Variants in TBC1D1 observed in about 807,000 individuals in gnomAD.
The protein encoded by TBC1D1 is TBC1 domain family member 1.
In TBC1D1, 89 loss-of-function variants were observed where a neutral mutation model predicts 125.6. That is an observed-to-expected ratio of 0.71 (90% CI 0.60 to 0.85). TBC1D1 has a LOEUF of 0.85. Ranked by LOEUF, TBC1D1 falls within the 40% of genes least tolerant of loss-of-function variation. The pLI, the probability that TBC1D1 is intolerant of heterozygous loss-of-function variation, is 0.00. For missense variants in TBC1D1, 1,377 were observed against 1,469.2 expected (o/e 0.94, Z 1.03); for synonymous variants, 565 against 564.1 (o/e 1.00, Z -0.02).
At chr4:37,963,463 G>A (rs1389123396) in intron 2 of TBC1D1, among the ~76,000 whole-genome samples, 1 of 152,166 alleles carries the variant, frequency 6.6e-6, no homozygotes, top group Admixed American at 6.5e-5. Context: ...AACCAGCCTG[G>A]CCAACATGGT....
chr4:38,109,257 AC>A (rs1761845922), intron 15 of TBC1D1, among the ~76,000 whole-genome samples: 1 of 152,228 alleles, frequency 6.6e-6, no homozygotes, highest in African/African-American at 2.4e-5. Context: ...ACCACCAGCC[AC>A]ACACATTATT....
At chr4:38,113,507 A>G (rs1762504169) in intron 15 of TBC1D1, among the ~76,000 whole-genome samples, 1 of 152,228 alleles carries the variant, frequency 6.6e-6, no homozygotes, top group Non-Finnish European at 1.5e-5. Context: ...ATTCAGAATA[A>G]CTAAACCTTC....
chr4:38,104,922 A>AT (rs1396296359), intron 15 of TBC1D1, among the ~76,000 whole-genome samples: 4 of 151,618 alleles, frequency 2.6e-5, no homozygotes, highest in African/African-American at 9.7e-5. Flanking sequence ...TGCCTAGCTA[A>AT]TTTTTTGTAT....
intron 18 of TBC1D1, among the ~76,000 whole-genome samples, chr4:38,128,503 T>G (rs1765035130): frequency 6.6e-6 from 1 of 152,074 alleles, no homozygotes; most frequent in African/African-American, 2.4e-5. Flanking sequence ...TACTGCCCTG[T>G]GTACAGATGG....
At chr4:38,033,299 A>G (rs1236998316) in intron 7 of TBC1D1, among the ~76,000 whole-genome samples, 1 of 152,214 alleles carries the variant, frequency 6.6e-6, no homozygotes, top group African/African-American at 2.4e-5. Flanking sequence ...ACAGGAGAAG[A>G]AAGAGTGGGC....
chr4:37,979,320 A>G (rs1382644883), intron 2 of TBC1D1, among the ~76,000 whole-genome samples: 1 of 152,222 alleles, frequency 6.6e-6, no homozygotes, highest in Non-Finnish European at 1.5e-5. Context: ...ATGCATTACA[A>G]ATTATATCCC....
At chr4:38,051,771 TCCA>T in intron 11 of TBC1D1, 125 bp from the exon 12 acceptor site, 1 of 852,502 alleles carries the variant, frequency 1.2e-6, no homozygotes, top group Non-Finnish European at 1.8e-6. Flanking sequence ...GAAGAAGTCC[TCCA>T]CTCTGATAGT....
intron 4 of TBC1D1, among the ~76,000 whole-genome samples, chr4:38,019,787 C>G (rs1426009908): frequency 6.6e-6 from 1 of 152,084 alleles, no homozygotes; most frequent in African/African-American, 2.4e-5. Flanking sequence ...GAGCCTTGGC[C>G]TAATATGTTT....
chr4:38,038,948 G>GAAA (rs565226039), intron 8 of TBC1D1, among the ~76,000 whole-genome samples: 5,790 of 137,786 alleles, frequency 0.042, 461 homozygotes, highest in African/African-American at 0.15. Context: ...TCCCTCTCGG[G>GAAA]AAAAAAAAAA....
chr4:38,110,166 G>T (rs1264693601), intron 15 of TBC1D1: 1 of 982,788 alleles, frequency 1.0e-6, no homozygotes, highest in Admixed American at 6.2e-5. Flanking sequence ...CAGGAGTCTC[G>T]CTGAAAATGC....
At chr4:37,938,067 G>C (rs1724767963) in intron 2 of TBC1D1, among the ~76,000 whole-genome samples, 1 of 152,120 alleles carries the variant, frequency 6.6e-6, no homozygotes, top group South Asian at 2.1e-4. Flanking sequence ...GTCTCTTGTA[G>C]AGAGTTCTGC....
At chr4:37,963,572 G>A (rs1357218471) in intron 2 of TBC1D1, among the ~76,000 whole-genome samples, 8 of 152,144 alleles carry the variant, frequency 5.3e-5, no homozygotes, top group African/African-American at 7.2e-5. Context: ...CACAAGAATC[G>A]CTTCAGCCCA....
chr4:38,048,747 A>G (rs1204927398), intron 10 of TBC1D1, among the ~76,000 whole-genome samples: 1 of 152,124 alleles, frequency 6.6e-6, no homozygotes, highest in Admixed American at 6.6e-5. Flanking sequence ...AATATTTTGA[A>G]TATATTAAAA....
intron 7 of TBC1D1, among the ~76,000 whole-genome samples, chr4:38,035,217 C>T (rs1443055691): frequency 4.6e-5 from 7 of 152,288 alleles, no homozygotes; most frequent in Non-Finnish European, 7.4e-5. Flanking sequence ...TTTCCTTGCC[C>T]GTTCCCTAAG....
At chr4:37,923,042 G>A (rs1311450693) in intron 2 of TBC1D1, among the ~76,000 whole-genome samples, 1 of 151,978 alleles carries the variant, frequency 6.6e-6, no homozygotes, top group Non-Finnish European at 1.5e-5. Context: ...GTACTATGGT[G>A]GTTTGATGCA....
At chr4:38,023,191 GAGCCGAGATTGTGCCGCTGTGCTCC>G (rs1744393208) in intron 6 of TBC1D1, among the ~76,000 whole-genome samples, 2 of 150,396 alleles carry the variant, frequency 1.3e-5, no homozygotes, top group Non-Finnish European at 2.9e-5. Flanking sequence ...AGGTTGCAGT[GAGCCGAGATTGTGCCGCTGTGCTCC>G]AGCCTGGGCA....
At chr4:38,115,669 TTTG>T (rs758262199) in intron 15 of TBC1D1, 38 bp from the exon 18 acceptor site, 33 of 1,571,068 alleles carry the variant, frequency 2.1e-5, no homozygotes, top group Non-Finnish European at 2.7e-5. Context: ...GCTTTCTTTT[TTTG>T]TTTTTATTAT....
chr4:38,047,460 A>G (rs1249199610), intron 10 of TBC1D1, among the ~76,000 whole-genome samples: 1 of 152,156 alleles, frequency 6.6e-6, no homozygotes, highest in Admixed American at 6.5e-5. Context: ...TGAGTTTCTG[A>G]GTTAAAATCC....
intron 2 of TBC1D1, among the ~76,000 whole-genome samples, chr4:37,974,504 G>A (rs1732662804): frequency 6.6e-6 from 1 of 152,044 alleles, no homozygotes; most frequent in South Asian, 2.1e-4. Context: ...ATCCCAAAGT[G>A]CTGGGATTAC....
Sources: allele counts gnomAD v4.1 joint callset (sites outside exome capture counted in the v4.1 genomes callset), GRCh38; gene constraint gnomAD v4.1.1; transcripts MANE v1.5; gene names NCBI Gene and HGNC (gene_info 2026-07-23, HGNC 2026-07-21).